The following CC2D2A variants were observed in gnomAD, a reference collection of about 807,000 sequenced individuals.
CC2D2A encodes the protein coiled-coil and C2 domain-containing protein 2A.
Under a neutral mutation model 212.9 loss-of-function variants are expected in CC2D2A, and 155 were observed. That is an observed-to-expected ratio of 0.73 (90% CI 0.64 to 0.83). CC2D2A has a LOEUF of 0.83. Ranked by LOEUF, CC2D2A falls within the 40% of genes least tolerant of loss-of-function variation. The pLI is 0.00. For synonymous variants in CC2D2A, 667 were observed against 686.5 expected (o/e 0.97, Z 0.44); for missense variants, 1,856 against 1,956.2 (o/e 0.95, Z 0.97).
intron 17 of CC2D2A, among the ~76,000 whole-genome samples, chr4:15,546,869 G>A (rs1309448600): frequency 6.6e-6 from 1 of 152,158 alleles, no homozygotes; most frequent in Admixed American, 6.5e-5. Flanking sequence ...GACAATGAGG[G>A]TTTGAATGAG....
intron 11 of CC2D2A, among the ~76,000 whole-genome samples, chr4:15,524,468 T>TTTTTTTTTTTTTG: frequency 8.0e-6 from 1 of 125,752 alleles, no homozygotes; most frequent in South Asian, 2.5e-4. Context: ...TTTTTTTTTT[T>TTTTTTTTTTTTTG]GAGATGGAGT....
At chr4:15,503,168 T>C (rs1413826632) in intron 6 of CC2D2A, among the ~76,000 whole-genome samples, 9 of 152,064 alleles carry the variant, frequency 5.9e-5, no homozygotes, top group Admixed American at 5.2e-4. Context: ...CTGGGCATGC[T>C]GGCTTGTGCC....
chr4:15,495,080 C>T (rs1487134572), intron 4 of CC2D2A, among the ~76,000 whole-genome samples: 4 of 152,124 alleles, frequency 2.6e-5, no homozygotes, highest in African/African-American at 9.7e-5. Context: ...TCCCACCCTC[C>T]ACCCTCAAAT....
intron 1 of CC2D2A, among the ~76,000 whole-genome samples, chr4:15,471,391 TG>T (rs113664647): frequency 0.28 from 43,163 of 151,858 alleles, 7,076 homozygotes; most frequent in Non-Finnish European, 0.38. Flanking sequence ...TGAAGGTGGG[TG>T]GGCTTGAACA....
Position 15,541,023 on chromosome 4 carries a change from TTTAA to T in CC2D2A, c.2181+13_2181+16del. 1 of 1,529,120 alleles carries T rather than the reference TTTAA, an allele frequency of 6.5e-7. No homozygotes were observed. The allele number at this position is 1,529,120 out of a possible 1,614,324, so 94.7% of individuals were successfully genotyped here. ...AGAGTTTAACACTTCAGGTACACAT[TTTAA>T]TTATAGTTACTGGCCGGGCACTGTG... On this transcript the variant is annotated intron_variant, in intron 17 of 36. Transcript: ENST00000424120.
chr4:15,541,157 C>CAG, intron 17 of CC2D2A, 143 bp downstream of exon 17: 2 of 436,262 alleles, frequency 4.6e-6, no homozygotes, highest in Non-Finnish European at 3.8e-6. Flanking sequence ...ACTGTAAATA[C>CAG]AAAAAAAAAA....
chr4:15,583,438 C>A (rs1720733222), intron 30 of CC2D2A, among the ~76,000 whole-genome samples: 1 of 152,106 alleles, frequency 6.6e-6, no homozygotes, highest in South Asian at 2.1e-4. Flanking sequence ...TTAGAAAACC[C>A]TAAAGACCCC....
intron 4 of CC2D2A, among the ~76,000 whole-genome samples, chr4:15,499,453 T>C (rs1284112858): frequency 1.3e-5 from 2 of 152,136 alleles, no homozygotes; most frequent in African/African-American, 4.8e-5. Flanking sequence ...AAGTGATAAA[T>C]GTCATAATTT....
chr4:15,482,223 T>C (rs563182291), intron 4 of CC2D2A: 12 of 985,084 alleles, frequency 1.2e-5, no homozygotes, highest in Non-Finnish European at 1.4e-5. Context: ...AATGATACAA[T>C]GAGAGCTGTT....
intron 23 of CC2D2A, among the ~76,000 whole-genome samples, chr4:15,562,523 G>A (rs1719660667): frequency 6.6e-6 from 1 of 152,138 alleles, no homozygotes; most frequent in Non-Finnish European, 1.5e-5. Context: ...GGAGTCTCTT[G>A]CTTCTCCCCT....
intron 32 of CC2D2A, among the ~76,000 whole-genome samples, chr4:15,589,062 A>G (rs1335326078): frequency 6.6e-6 from 1 of 151,892 alleles, no homozygotes; most frequent in Non-Finnish European, 1.5e-5. Context: ...CTCCCCAGGT[A>G]CAGTCATTCT....
Position 15,515,987 on chromosome 4 carries a change from T to A in CC2D2A, c.1000T>A (p.Leu334Met). The A allele has an allele frequency of 1.3e-6, 2 of 1,591,854 alleles. No homozygotes were observed. ...RTNQNIMENR[L>M]LMQDPERRWF... is the part of the protein sequence containing the mutation. The stretch of plus-strand genomic sequence containing the variant: ...CAATCAGAACATCATGGAGAACAGA[T>A]TGCTGATGCAGGACCCCGTAAGTGT... Residue 334 changes from leucine (L) to methionine (M), a missense_variant, in exon 10 of 37, where the codon TTG becomes ATG. Physicochemically the swap from Leu to Met is conservative, Grantham distance 15. Around this residue, in one of 5 missense-constraint regions of CC2D2A, gnomAD observed 1,512 missense variants for 1,579.3 expected, o/e 0.96. Coordinates refer to ENST00000424120, the MANE Select transcript of CC2D2A (RefSeq NM_001378615.1).
chr4:15,576,301 G>A (rs1378617888), intron 29 of CC2D2A: 1 of 723,454 alleles, frequency 1.4e-6, no homozygotes, highest in Non-Finnish European at 1.7e-6. Flanking sequence ...ATTCAGGAAA[G>A]AGAAGGTCTC....
chr4:15,601,186 G>A, intron 36 of CC2D2A, 51 bp from the exon 37 acceptor site: 3 of 1,422,684 alleles, frequency 2.1e-6, no homozygotes, highest in Non-Finnish European at 2.9e-6. Context: ...AGGAAAAAAT[G>A]TATTAAATCT....
At chr4:15,571,528 G>A (rs1031729628) in intron 28 of CC2D2A, among the ~76,000 whole-genome samples, 2 of 151,850 alleles carry the variant, frequency 1.3e-5, no homozygotes, top group South Asian at 2.1e-4. Flanking sequence ...GTGTGAACCC[G>A]GGAGGCAGAG....
Position 15,514,786 on chromosome 4 carries a change from C to G in CC2D2A, c.797C>G (p.Ala266Gly). 6.2e-7 allele frequency: 1 copy of G among 1,613,236 alleles called. No homozygotes were observed. The highest frequency in any genetic ancestry group is 8.5e-7 in the Non-Finnish European group (1 of 1,179,348). The change falls in exon 9 of 37, where the codon GCA becomes GGA. Residue 266 changes from alanine to glycine, a missense_variant. Around this residue, in one of 5 missense-constraint regions of CC2D2A, gnomAD observed 1,512 missense variants for 1,579.3 expected, o/e 0.96. Coordinates refer to ENST00000424120, the MANE Select transcript of CC2D2A (RefSeq NM_001378615.1). Reference protein sequence around the residue: ...GLDHVADDFVAVRPADYESIH... With the variant: ...GLDHVADDFVGVRPADYESIH... Reference sequence around the variant, plus strand: ...GATCACGTGGCTGACGATTTTGTAGCAGTCAGACCTGCAGATTATGAAAGC... The same window carrying G: ...GATCACGTGGCTGACGATTTTGTAGGAGTCAGACCTGCAGATTATGAAAGC...
chr4:15,495,042 A>G (rs765423576), intron 4 of CC2D2A, among the ~76,000 whole-genome samples: 4 of 152,168 alleles, frequency 2.6e-5, no homozygotes, highest in Non-Finnish European at 1.5e-5. Flanking sequence ...ATAATACCCA[A>G]TAGGTAGTTT....
At chr4:15,475,136 T>C (rs1442193159) in intron 1 of CC2D2A, among the ~76,000 whole-genome samples, 3 of 151,954 alleles carry the variant, frequency 2.0e-5, no homozygotes, top group Non-Finnish European at 4.4e-5. Flanking sequence ...TAGCCGGGCG[T>C]GGTGGCATGC....
intron 11 of CC2D2A, among the ~76,000 whole-genome samples, chr4:15,520,701 T>C (rs1477980560): frequency 6.6e-6 from 1 of 152,210 alleles, no homozygotes; most frequent in Non-Finnish European, 1.5e-5. Context: ...GGTTTCCTAT[T>C]CCATTTCTCA....
Sources: gnomAD v4.1 joint callset for allele counts (sites outside exome capture counted in the v4.1 genomes callset) on GRCh38, gnomAD v4.1.1 for gene constraint, gnomAD v4.1.1 regional missense constraint, MANE v1.5 for transcripts, NCBI Gene and HGNC (gene_info 2026-07-23, HGNC 2026-07-21) for gene names.